The following SLC22A3 variants were observed in gnomAD, a reference collection of about 807,000 sequenced individuals.
SLC22A3 encodes solute carrier family 22 member 3.
In SLC22A3, 51 loss-of-function variants were observed where a neutral mutation model predicts 59.1. The ratio of observed to expected loss-of-function variants is 0.86; its 90% CI spans 0.69 to 1.09. The LOEUF (loss-of-function observed/expected upper bound fraction) is 1.09. Among genes scored for constraint, SLC22A3 ranks in the 50% least tolerant of loss-of-function variants. SLC22A3 has a pLI of 0.00. For synonymous variants in SLC22A3, 325 were observed against 292.0 expected (o/e 1.11, Z -1.15); for missense variants, 711 against 726.3 (o/e 0.98, Z 0.24).
intron 2 of SLC22A3, among the ~76,000 whole-genome samples, chr6:160,404,797 T>C (rs1786937094): frequency 6.8e-6 from 1 of 147,116 alleles, no homozygotes; most frequent in South Asian, 2.1e-4. Flanking sequence ...TAGACCCACA[T>C]AAATATAGTC....
chr6:160,356,094 C>A (rs936940660), intron 1 of SLC22A3, among the ~76,000 whole-genome samples: 3 of 152,210 alleles, frequency 2.0e-5, no homozygotes, highest in Non-Finnish European at 4.4e-5. Context: ...ATGACCATGG[C>A]TAGGCCAACC....
chr6:160,382,525 C>T (rs924983465), intron 1 of SLC22A3, among the ~76,000 whole-genome samples: 2 of 152,182 alleles, frequency 1.3e-5, no homozygotes, highest in African/African-American at 4.8e-5. Context: ...CTTACCAGAA[C>T]AATAAGCCAA....
At chr6:160,432,301 G>A (rs1788179142) in intron 5 of SLC22A3, among the ~76,000 whole-genome samples, 1 of 152,120 alleles carries the variant, frequency 6.6e-6, no homozygotes, top group South Asian at 2.1e-4. Context: ...TGAATTGATG[G>A]TGCGGGAGAG....
rs1562500689 is a variant in SLC22A3 at position 160,436,766 on chromosome 6, CT to C, written c.976-10del. 2 of 1,564,340 alleles carry C rather than the reference CT, an allele frequency of 1.3e-6. No homozygotes were observed. The highest frequency in any genetic ancestry group is 1.7e-5 in the Admixed American group (1 of 59,784). On this transcript the variant is annotated splice_polypyrimidine_tract_variant and intron_variant, in intron 5 of 10. Transcript: ENST00000275300. ...TTCTGTCTATTGCTACTGAAATCTG[CT>C]TTTCTTATATAGATCACTGTTACAG...
intron 5 of SLC22A3, among the ~76,000 whole-genome samples, chr6:160,421,590 C>A (rs921947729): frequency 1.3e-5 from 2 of 152,134 alleles, no homozygotes; most frequent in Non-Finnish European, 2.9e-5. Flanking sequence ...CCCTGAGCCC[C>A]GGCAGTATTA....
intron 1 of SLC22A3, among the ~76,000 whole-genome samples, chr6:160,388,928 G>A (rs553283666): frequency 6.6e-6 from 1 of 152,350 alleles, no homozygotes; most frequent in South Asian, 2.1e-4. Context: ...CTAAGTCATG[G>A]CCTGCTTGGG....
intron 1 of SLC22A3, among the ~76,000 whole-genome samples, chr6:160,394,317 A>G (rs149790666): frequency 1.2e-3 from 186 of 152,346 alleles, no homozygotes; most frequent in African/African-American, 4.1e-3. Context: ...AGTACTTTAT[A>G]TCAGAAAAAA....
chr6:160,374,609 A>T (rs965073816), intron 1 of SLC22A3, among the ~76,000 whole-genome samples: 1 of 152,232 alleles, frequency 6.6e-6, no homozygotes, highest in East Asian at 1.9e-4. Flanking sequence ...TGAGACAGAC[A>T]TCATCCCTGC....
chr6:160,421,778 G>A (rs192132444), intron 5 of SLC22A3, among the ~76,000 whole-genome samples: 23 of 152,154 alleles, frequency 1.5e-4, no homozygotes, highest in Non-Finnish European at 2.4e-4. Context: ...TCCTTTTTCC[G>A]TTTCAAGCGT....
intron 5 of SLC22A3, among the ~76,000 whole-genome samples, chr6:160,421,044 A>G (rs1386171367): frequency 6.6e-6 from 1 of 151,992 alleles, no homozygotes. Flanking sequence ...GCCCTGCTTC[A>G]TTCCTGCCTG....
chr6:160,407,624 CA>C (rs1276124024), intron 3 of SLC22A3, among the ~76,000 whole-genome samples: 3 of 152,090 alleles, frequency 2.0e-5, no homozygotes, highest in African/African-American at 7.2e-5. Context: ...TCTTTCTGTA[CA>C]AGTGGGAAAC....
intron 1 of SLC22A3, among the ~76,000 whole-genome samples, chr6:160,390,879 G>C (rs1786228108): frequency 6.6e-6 from 1 of 152,160 alleles, no homozygotes; most frequent in African/African-American, 2.4e-5. Flanking sequence ...GATGTGCACA[G>C]AACCATGCTG....
rs554325570 is a variant in SLC22A3 at position 160,351,561 on chromosome 6, C to T, written c.429+2713C>T. Among the ~76,000 whole-genome samples the T allele has an allele frequency of 2.0e-5, 3 of 152,326 alleles. No individual in the cohort carries two copies. In the South Asian group the frequency reaches 6.2e-4, roughly 32 times the overall value. On this transcript the variant is annotated intron_variant, in intron 1 of 10. Coordinates refer to ENST00000275300, the MANE Select transcript of SLC22A3 (RefSeq NM_021977.4). ...TGAATTCTGCATAGCTAATATTTTGCTGTCTTTGGTTCAACTAATTTTTTT... is the reference window on the plus strand; with the variant it reads ...TGAATTCTGCATAGCTAATATTTTGTTGTCTTTGGTTCAACTAATTTTTTT...
chr6:160,349,439 C>A (rs1784589139), intron 1 of SLC22A3, among the ~76,000 whole-genome samples: 1 of 152,094 alleles, frequency 6.6e-6, no homozygotes, highest in African/African-American at 2.4e-5. Flanking sequence ...AGAGCAACAT[C>A]TGGGATAAGT....
At chr6:160,386,161 G>C (rs1273750465) in intron 1 of SLC22A3, among the ~76,000 whole-genome samples, 1 of 152,232 alleles carries the variant, frequency 6.6e-6, no homozygotes, top group East Asian at 1.9e-4. Flanking sequence ...ACATGAAGGA[G>C]CCTCTTGGGG....
chr6:160,373,176 A>C (rs951773684), intron 1 of SLC22A3, among the ~76,000 whole-genome samples: 1 of 152,214 alleles, frequency 6.6e-6, no homozygotes, highest in Non-Finnish European at 1.5e-5. Context: ...GGTGACCTTC[A>C]GATGGCGTTT....
rs574247935 is a variant in SLC22A3, at chr6:160,381,509, G to A, written c.430-16470G>A. Among the ~76,000 whole-genome samples, 7 of 152,288 alleles carry A rather than the reference G, an allele frequency of 4.6e-5. No individual in the cohort carries two copies. The East Asian group carries it at 9.6e-4, about 21-fold the overall frequency. Reference sequence around the variant, plus strand: ...TAATTAACACTGTTCTAAAGGGAAAGTATATGAATATATTGTTTAAACACT... The same window carrying A: ...TAATTAACACTGTTCTAAAGGGAAAATATATGAATATATTGTTTAAACACT... On this transcript the variant is annotated intron_variant, in intron 1 of 10. Coordinates refer to ENST00000275300, the MANE Select transcript of SLC22A3 (RefSeq NM_021977.4).
intron 1 of SLC22A3, among the ~76,000 whole-genome samples, chr6:160,370,913 T>G (rs898652776): frequency 6.6e-6 from 1 of 152,170 alleles, no homozygotes; most frequent in Non-Finnish European, 1.5e-5. Flanking sequence ...ACCTCATTTC[T>G]TGTGTCCAAA....
chr6:160,372,785 A>AT (rs1271971901), intron 1 of SLC22A3, among the ~76,000 whole-genome samples: 1 of 152,000 alleles, frequency 6.6e-6, no homozygotes, highest in African/African-American at 2.4e-5. Context: ...TGGTTGATTG[A>AT]TTCGGCTATT....
Sources: allele counts gnomAD v4.1 joint callset (sites outside exome capture counted in the v4.1 genomes callset), GRCh38; gene constraint gnomAD v4.1.1; transcripts MANE v1.5; gene names NCBI Gene and HGNC (gene_info 2026-07-23, HGNC 2026-07-21).